The following VDAC3 variants were observed in gnomAD, a reference collection of about 807,000 sequenced individuals.
The protein encoded by VDAC3 is voltage dependent anion channel 3.
VDAC3 carries 7 observed loss-of-function variants against 33.9 expected under a neutral mutation model. That is an observed-to-expected ratio of 0.21 (90% CI 0.12 to 0.39). VDAC3 has a LOEUF of 0.39. VDAC3 is among the 10% of genes least tolerant of loss of function. The pLI is 1.00. For missense variants in VDAC3, 261 were observed against 334.5 expected (o/e 0.78, Z 1.71); for synonymous variants, 100 against 122.4 (o/e 0.82, Z 1.21).
intron 5 of VDAC3, 29 bp from the exon 6 acceptor site, chr8:42,399,622 A>C: frequency 6.3e-7 from 1 of 1,588,342 alleles, no homozygotes; most frequent in Non-Finnish European, 8.6e-7. Flanking sequence ...AAAATTACTA[A>C]TTATTTATTT....
intron 6 of VDAC3, 75 bp downstream of exon 6, chr8:42,399,778 T>C (rs1802384163): frequency 6.4e-6 from 9 of 1,403,534 alleles, no homozygotes; most frequent in Admixed American, 5.3e-5. Flanking sequence ...TAAGGAGATA[T>C]AGTGCAAAGT....
chr8:42,398,930 C>T, intron 5 of VDAC3, 66 bp downstream of exon 5: 1 of 1,555,858 alleles, frequency 6.4e-7, no homozygotes, highest in South Asian at 1.2e-5. Context: ...GATGAACATA[C>T]CCCAAATATA....
In VDAC3 at chr8:42,401,716, T is replaced by C; in HGVS notation, c.324-72T>C. The C allele has an allele frequency of 4.3e-6, 6 of 1,401,578 alleles. No homozygotes were observed. In the Admixed American group the frequency reaches 8.9e-5, roughly 21 times the overall value. 86.8% of individuals were successfully genotyped at this position (1,401,578 alleles called of 1,614,324 possible). ...GGAGATGAGAGAGAGGATCTTACTCTAAAAATTCCTAGACAGTAGTAAGAA... is the reference window on the plus strand; with the variant it reads ...GGAGATGAGAGAGAGGATCTTACTCCAAAAATTCCTAGACAGTAGTAAGAA... On this transcript the variant is annotated intron_variant, in intron 6 of 9. Transcript: ENST00000022615.
chr8:42,398,881 G>A lies in VDAC3; in HGVS notation c.270+17G>A. ...GAGAATAAGGTAAGAGAACGCATTAGAAGTTATTCATAGGTTCAATTTATC... is the reference window on the plus strand; with the variant it reads ...GAGAATAAGGTAAGAGAACGCATTAAAAGTTATTCATAGGTTCAATTTATC... On this transcript the variant is annotated intron_variant, in intron 5 of 9. Coordinates refer to ENST00000022615, the MANE Select transcript of VDAC3 (RefSeq NM_005662.7). The A allele has an allele frequency of 6.2e-7, 1 of 1,611,564 alleles. No individual in the cohort carries two copies. The highest frequency in any genetic ancestry group is 8.5e-7 in the Non-Finnish European group (1 of 1,179,188).
chr8:42,395,525 C>G (rs1192844755), intron 4 of VDAC3, among the ~76,000 whole-genome samples: 1 of 152,140 alleles, frequency 6.6e-6, no homozygotes, highest in Non-Finnish European at 1.5e-5. Flanking sequence ...TTAGTCGAAA[C>G]AAAATATGTA....
At chr8:42,400,570 G>A (rs1802399123) in intron 6 of VDAC3, among the ~76,000 whole-genome samples, 1 of 152,022 alleles carries the variant, frequency 6.6e-6, no homozygotes, top group Non-Finnish European at 1.5e-5. Context: ...TCTGAAGGAC[G>A]GAGGTTGCTA....
chr8:42,399,836 C>T, intron 6 of VDAC3, 133 bp downstream of exon 6: 1 of 733,970 alleles, frequency 1.4e-6, no homozygotes. Context: ...ATATTGGAGA[C>T]CTTGTATAGG....
chr8:42,391,942 A>T lies in VDAC3; in HGVS notation c.-43+14A>T, dbSNP rs995985616. 5.3e-5 allele frequency: 8 copies of T among 152,332 alleles called. No homozygotes were observed. Among genetic ancestry groups the T allele is most frequent in the Non-Finnish European group, 1.2e-4 (8 of 68,228 alleles). 9.4% of individuals were successfully genotyped at this position (152,332 alleles called of 1,614,324 possible). On this transcript the variant is annotated intron_variant, in intron 1 of 9. Transcript: ENST00000022615. Reference sequence around the variant, plus strand: ...CTCGGGGTGGAGGTGAGGAGAGCTGAGGCCGCGCGGGCTCCAGTCCCGGAG... The same window carrying T: ...CTCGGGGTGGAGGTGAGGAGAGCTGTGGCCGCGCGGGCTCCAGTCCCGGAG...
At chr8:42,402,379 GTT>G (rs1332867876) in intron 7 of VDAC3, among the ~76,000 whole-genome samples, 1 of 152,150 alleles carries the variant, frequency 6.6e-6, no homozygotes, top group Non-Finnish European at 1.5e-5. Context: ...AAGCAGGTCT[GTT>G]TTGGTCACCA....
chr8:42,398,023 G>A (rs898552982), intron 4 of VDAC3, among the ~76,000 whole-genome samples: 4 of 152,156 alleles, frequency 2.6e-5, no homozygotes, highest in Non-Finnish European at 5.9e-5. Context: ...CAGTATTTTG[G>A]GATTTTTAAG....
At chr8:42,399,005 T>C in intron 5 of VDAC3, 141 bp downstream of exon 5, 2 of 876,810 alleles carry the variant, frequency 2.3e-6, no homozygotes, top group Non-Finnish European at 3.4e-6. Flanking sequence ...CCTTTTTTGA[T>C]GTCTTATGTT....
Position 42,394,253 on chromosome 8 carries a change from T to C in VDAC3, c.42T>C (p.Ala14=). 6.2e-7 allele frequency: 1 copy of C among 1,613,736 alleles called. No individual in the cohort carries two copies. The highest frequency in any genetic ancestry group is 8.5e-7 in the Non-Finnish European group (1 of 1,179,766). Reference sequence around the variant, plus strand: ...CGTACTGTGACCTAGGAAAGGCTGCTAAGGATGTCTTCAACAAAGGATATG... The same window carrying C: ...CGTACTGTGACCTAGGAAAGGCTGCCAAGGATGTCTTCAACAAAGGATATG... ...TPTYCDLGKA[A]KDVFNKGYGF... Residue 14 remains alanine, a synonymous_variant, in exon 3 of 10, where the codon GCT becomes GCC. Coordinates refer to ENST00000022615, the MANE Select transcript of VDAC3 (RefSeq NM_005662.7).
At chr8:42,396,594 G>C in intron 4 of VDAC3, 1 of 670,296 alleles carries the variant, frequency 1.5e-6, no homozygotes, top group Non-Finnish European at 2.7e-6. Flanking sequence ...TCCAGAATTT[G>C]CTCATTAGGT....
intron 2 of VDAC3, 73 bp downstream of exon 2, chr8:42,393,957 T>A (rs1802254895): frequency 2.1e-6 from 1 of 477,282 alleles, no homozygotes; most frequent in Non-Finnish European, 3.7e-6. Flanking sequence ...AGAACTTACT[T>A]TTCTTTGAAA....
At chr8:42,395,958 TAAA>T (rs543863402) in intron 4 of VDAC3, among the ~76,000 whole-genome samples, 8 of 119,912 alleles carry the variant, frequency 6.7e-5, no homozygotes, top group Admixed American at 8.8e-5. Context: ...GACTTTGTCT[TAAA>T]AAAAAAAAAA....
At chr8:42,396,856 A>T in intron 4 of VDAC3, 1 of 583,826 alleles carries the variant, frequency 1.7e-6, no homozygotes, top group South Asian at 2.2e-5. Flanking sequence ...CTTACTAAGC[A>T]TTTAATGTAG....
Position 42,401,931 on chromosome 8 carries a change from G to A in VDAC3, c.467G>A (p.Ser156Asn), listed in dbSNP as rs762377127. Residue 156 changes from serine to asparagine, a missense_variant, in exon 7 of 10, where the codon AGT becomes AAT. Coordinates refer to ENST00000022615, the MANE Select transcript of VDAC3 (RefSeq NM_005662.7). ...GGGTGGCTTGCTGGCTATCAGATGA[G>A]TTTTGACACAGCCAAATCCAAACTG... ...FEGWLAGYQM[S>N]FDTAKSKLSQ... 5.6e-6 allele frequency: 9 copies of A among 1,614,218 alleles called. No individual in the cohort carries two copies. Among genetic ancestry groups the A allele is most frequent in the Non-Finnish European group, 6.8e-6 (8 of 1,180,038 alleles).
At chr8:42,403,161 T>C in intron 7 of VDAC3, 150 bp from the exon 8 acceptor site, 1 of 794,628 alleles carries the variant, frequency 1.3e-6, no homozygotes, top group Non-Finnish European at 2.0e-6. Context: ...GTTCTGTGTT[T>C]TGTTTAGTAG....
Position 42,403,396 on chromosome 8 carries a change from G to A in VDAC3, c.637G>A (p.Gly213Arg), listed in dbSNP as rs1585953648. The stretch of plus-strand genomic sequence containing the variant: ...ATCCATAAACCTTGCTTGGACAGCT[G>A]GGAGTAACAACACCCGTTTTGGCAT... ...ETSINLAWTA[G>R]SNNTRFGIAA... The change falls in exon 8 of 10, where the codon GGG becomes AGG. Residue 213 changes from glycine (G) to arginine (R), a missense_variant. By Grantham distance (125) the Gly-to-Arg change is moderately radical. Transcript: ENST00000022615. The A allele has an allele frequency of 2.5e-6, 4 of 1,611,944 alleles. No homozygotes were observed. Among genetic ancestry groups the A allele is most frequent in the Non-Finnish European group, 8.5e-7 (1 of 1,179,416 alleles).
Sources: gnomAD v4.1 joint callset for allele counts (sites outside exome capture counted in the v4.1 genomes callset) on GRCh38, gnomAD v4.1.1 for gene constraint, MANE v1.5 for transcripts, NCBI Gene and HGNC (gene_info 2026-07-23, HGNC 2026-07-21) for gene names.